Variants in CACNA1B observed in about 807,000 individuals in gnomAD.
CACNA1B encodes voltage-dependent N-type calcium channel subunit alpha-1B.
Under a neutral mutation model 247.2 loss-of-function variants are expected in CACNA1B, and 70 were observed. That is an observed-to-expected ratio of 0.28 (90% CI 0.23 to 0.35). CACNA1B has a LOEUF of 0.35. CACNA1B is among the 10% of genes least tolerant of loss of function. The pLI is 1.00. For synonymous variants in CACNA1B, 1,231 were observed against 1,294.4 expected (o/e 0.95, Z 1.05); for missense variants, 2,367 against 3,197.4 (o/e 0.74, Z 6.26).
chr9:138,120,290 C>T lies in CACNA1B; in HGVS notation c.6156C>T (p.His2052=), dbSNP rs1197148196. 1 of 1,570,606 alleles carries T rather than the reference C, an allele frequency of 6.4e-7. No individual in the cohort carries two copies. The highest frequency in any genetic ancestry group is 1.8e-5 in the Admixed American group (1 of 55,800). The change falls in exon 45 of 47, where the codon CAC becomes CAT. Residue 2052 remains histidine (H), a synonymous_variant. Coordinates refer to ENST00000371372, the MANE Select transcript of CACNA1B (RefSeq NM_000718.4). ...PPPSQASSHH[H]HHRCHRRRDR... is the part of the protein sequence containing the mutation. ...CTAGCCAGGCGTCGTCGCACCACCA[C>T]CACCACCGCTGCCACCGCCGCAGGG...
chr9:137,990,752 AC>A lies in CACNA1B; in HGVS notation c.1974+3900del, dbSNP rs1292474100. Among the ~76,000 whole-genome samples, 3 of 152,190 alleles carry A rather than the reference AC, an allele frequency of 2.0e-5. No homozygotes were observed. The highest frequency in any genetic ancestry group is 3.9e-4 in the East Asian group (2 of 5,186). On this transcript the variant is annotated intron_variant, in intron 15 of 46. Transcript: ENST00000371372. The surrounding 1 kb of genome is among the most constrained non-coding windows in gnomAD (Gnocchi z 4.5). ...AGGTGCTGGTATCCGCACCTGAAAGACCTGAAGATGGATCACATCACAGGAC... is the reference window on the plus strand; with the variant it reads ...AGGTGCTGGTATCCGCACCTGAAAGACTGAAGATGGATCACATCACAGGAC...
At chr9:138,077,169 C>T (rs879573341) in intron 35 of CACNA1B, among the ~76,000 whole-genome samples, 17 of 152,178 alleles carry the variant, frequency 1.1e-4, no homozygotes, top group Non-Finnish European at 2.1e-4. Flanking sequence ...TGCAGGAACC[C>T]CCCTGCCTCC....
rs1960396595 is a variant in CACNA1B, at chr9:138,078,244, C to T, written c.5080C>T (p.Leu1694=). The change falls in exon 36 of 47, where the codon CTG becomes TTG. Residue 1694 remains leucine, a synonymous_variant. Transcript: ENST00000371372. ...AYFYFVSFIF[L]CSFLMLNLFV... ...CTTCTACTTCGTCTCCTTCATCTTC[C>T]TGTGCTCCTTTCTGGTGAGTCCTGG... 1 of 1,614,016 alleles carries T rather than the reference C, an allele frequency of 6.2e-7. No individual in the cohort carries two copies. Among genetic ancestry groups the T allele is most frequent in the East Asian group, 2.2e-5 (1 of 44,874 alleles).
chr9:137,903,875 T>A (rs774487436), intron 3 of CACNA1B, among the ~76,000 whole-genome samples: 11 of 152,230 alleles, frequency 7.2e-5, no homozygotes, highest in Admixed American at 4.6e-4. Flanking sequence ...TTGCATTTCC[T>A]GGCTGTCCCT....
intron 10 of CACNA1B, among the ~76,000 whole-genome samples, chr9:137,960,248 A>C (rs1009614099): frequency 0.046 from 247 of 5,392 alleles, 1 homozygote; most frequent in Non-Finnish European, 0.06. Context: ...GAGGGGAGTT[A>C]GGCCTGAGGG....
intron 20 of CACNA1B, among the ~76,000 whole-genome samples, chr9:138,042,653 G>A: frequency 6.6e-6 from 1 of 152,302 alleles, no homozygotes; most frequent in Non-Finnish European, 1.5e-5. Flanking sequence ...CATTTCAAAA[G>A]TGGTCGCTTT....
intron 20 of CACNA1B, among the ~76,000 whole-genome samples, chr9:138,039,013 C>T (rs757532070): frequency 8.6e-5 from 13 of 151,732 alleles, no homozygotes; most frequent in Admixed American, 2.6e-4. Flanking sequence ...GGCAAAACCC[C>T]GTCTCTGCTG....
At chr9:137,948,906 C>T (rs1377493387) in intron 6 of CACNA1B, among the ~76,000 whole-genome samples, 18 of 88,442 alleles carry the variant, frequency 2.0e-4, no homozygotes, top group South Asian at 4.2e-4. Flanking sequence ...GTGTGGTGTG[C>T]GTGTGTTTGT....
chr9:138,044,296 G>A (rs1959167142), intron 21 of CACNA1B, among the ~76,000 whole-genome samples: 1 of 152,252 alleles, frequency 6.6e-6, no homozygotes, highest in South Asian at 2.1e-4. Context: ...GTCCACGCCT[G>A]TGCTTTTCAT....
intron 15 of CACNA1B, among the ~76,000 whole-genome samples, chr9:138,002,947 C>T (rs1318167165): frequency 6.6e-6 from 1 of 151,676 alleles, no homozygotes; most frequent in African/African-American, 2.4e-5. Context: ...ATTACAGGCA[C>T]CTGCCACCAT....
rs201640046 is a variant in CACNA1B at position 137,971,575 on chromosome 9, G to C, written c.1526G>C (p.Arg509Pro). 3 of 1,613,112 alleles carry C rather than the reference G, an allele frequency of 1.9e-6. No individual in the cohort carries two copies. In the East Asian group the frequency reaches 6.7e-5, roughly 36 times the overall value. ...ATGGTGCATTACAACCAGCCGCGGC[G>C]GCTTACCACGACCCTGTGTACGTAT... ...VAMVHYNQPR[R>P]LTTTLYFAEF... Residue 509 changes from arginine (R) to proline (P), a missense_variant, in exon 11 of 47, where the codon CGG (arginine) becomes CCG (proline). Arg to Pro is a moderately radical substitution (Grantham distance 103, BLOSUM62 -2). This residue lies in a region of CACNA1B where 219 missense variants were observed against 297.6 expected (regional missense o/e 0.74). Coordinates refer to ENST00000371372, the MANE Select transcript of CACNA1B (RefSeq NM_000718.4). The surrounding 1 kb of genome is among the most constrained non-coding windows in gnomAD (Gnocchi z 4.4).
At chr9:138,086,387 T>C (rs886213785) in intron 36 of CACNA1B, among the ~76,000 whole-genome samples, 4 of 151,012 alleles carry the variant, frequency 2.6e-5, no homozygotes, top group Non-Finnish European at 5.9e-5. Flanking sequence ...AAGCCCAGTG[T>C]GGTGGTGCAT....
At chr9:137,892,045 C>G (rs1284547486) in intron 3 of CACNA1B, 1 of 457,276 alleles carries the variant, frequency 2.2e-6, no homozygotes, top group Admixed American at 2.3e-5. Flanking sequence ...GTGTCTTCTC[C>G]ACTCCCACCC....
At chr9:138,118,911 G>A (rs1961973910) in intron 44 of CACNA1B, 143 bp downstream of exon 44, 2 of 598,920 alleles carry the variant, frequency 3.3e-6, no homozygotes, top group African/African-American at 3.8e-5. Flanking sequence ...GCTGAGGCAG[G>A]AGCAGGCACC....
At position 137,914,628 on chromosome 9, in the gene CACNA1B, C is replaced by T; in HGVS notation, c.623-26C>T. The T allele has an allele frequency of 6.2e-7, 1 of 1,610,226 alleles. No homozygotes were observed. Among genetic ancestry groups the T allele is most frequent in the Non-Finnish European group, 8.5e-7 (1 of 1,177,504 alleles). ...TTGCCCTACCCTGCCCACGTTGCTT[C>T]CTGACCTGCCCTGTTCTGGCCCCAG... On this transcript the variant is annotated intron_variant, in intron 4 of 46. Transcript: ENST00000371372. The surrounding 1 kb of genome is among the most constrained non-coding windows in gnomAD (Gnocchi z 4.3).
chr9:137,972,804 G>A (rs1408552997), intron 11 of CACNA1B, among the ~76,000 whole-genome samples: 1 of 152,204 alleles, frequency 6.6e-6, no homozygotes, highest in African/African-American at 2.4e-5. Context: ...AGGGGCAGAA[G>A]CAAAAGGAGC....
rs553008167 is a variant in CACNA1B at position 137,881,690 on chromosome 9, C to T, written c.391-1054C>T. ...TGCACAGGGCCTTTCCCTGCCAGCCCCACGCGTGTGCTCACGAGGAGTCTT... is the reference window on the plus strand; with the variant it reads ...TGCACAGGGCCTTTCCCTGCCAGCCTCACGCGTGTGCTCACGAGGAGTCTT... On this transcript the variant is annotated intron_variant, in intron 2 of 46. Coordinates refer to ENST00000371372, the MANE Select transcript of CACNA1B (RefSeq NM_000718.4). The surrounding 1 kb of genome is among the most constrained non-coding windows in gnomAD (Gnocchi z 4.3). Among the ~76,000 whole-genome samples the T allele has an allele frequency of 1.2e-4, 19 of 152,300 alleles. No individual in the cohort carries two copies. In the South Asian group the frequency reaches 2.9e-3, roughly 23 times the overall value.
chr9:138,041,748 A>T (rs1959125878), intron 20 of CACNA1B, among the ~76,000 whole-genome samples: 1 of 151,996 alleles, frequency 6.6e-6, no homozygotes, highest in Non-Finnish European at 1.5e-5. Flanking sequence ...TAATTTACTT[A>T]AGTTAATTAA....
At chr9:138,044,812 T>C (rs958221867) in intron 21 of CACNA1B, among the ~76,000 whole-genome samples, 3 of 152,230 alleles carry the variant, frequency 2.0e-5, no homozygotes, top group Non-Finnish European at 4.4e-5. Flanking sequence ...AAGCCCTGCA[T>C]TACCCCGCTC....
Sources: allele counts gnomAD v4.1 joint callset (sites outside exome capture counted in the v4.1 genomes callset), GRCh38; gene constraint gnomAD v4.1.1; regional missense constraint gnomAD v4.1.1; non-coding constraint Gnocchi (gnomAD v3.1); transcripts MANE v1.5; gene names NCBI Gene and HGNC (gene_info 2026-07-23, HGNC 2026-07-21).